CHST11: variants seen among roughly 807,000 people sequenced by gnomAD.
CHST11 encodes carbohydrate sulfotransferase 11, also known as C4S-1.
In CHST11, 9 loss-of-function variants were observed where a neutral mutation model predicts 30.4. The ratio of observed to expected loss-of-function variants is 0.30; its 90% CI spans 0.18 to 0.52. The LOEUF is 0.52. CHST11 is among the 20% of genes least tolerant of loss of function. The probability of loss-of-function intolerance (pLI) is 0.97; values close to 1 mark genes in which losing one functional copy is unlikely to be tolerated. For synonymous variants in CHST11, 152 were observed against 187.8 expected (o/e 0.81, Z 1.56); for missense variants, 348 against 460.6 (o/e 0.76, Z 2.24).
At chr12:104,675,560 A>T (rs772549949) in intron 2 of CHST11, among the ~76,000 whole-genome samples, 3 of 152,132 alleles carry the variant, frequency 2.0e-5, no homozygotes, top group Non-Finnish European at 2.9e-5. Context: ...CGAACTAACA[A>T]CCGCTGTTAT....
chr12:104,489,037 CTT>C (rs559609478), intron 1 of CHST11, among the ~76,000 whole-genome samples: 15 of 149,616 alleles, frequency 1.0e-4, no homozygotes, highest in Non-Finnish European at 1.6e-4. Context: ...TCTTCTTCCT[CTT>C]TTTTTTTTCC....
intron 1 of CHST11, among the ~76,000 whole-genome samples, chr12:104,566,602 T>C (rs1050284943): frequency 6.6e-6 from 1 of 152,216 alleles, no homozygotes; most frequent in Non-Finnish European, 1.5e-5. Flanking sequence ...AGGGATCTTC[T>C]CAACACAGAC....
chr12:104,708,214 A>G (rs150580512), intron 2 of CHST11, among the ~76,000 whole-genome samples: 3 of 152,346 alleles, frequency 2.0e-5, no homozygotes, highest in South Asian at 2.1e-4. Context: ...AGTTAGGCCA[A>G]CTTGGGTTCA....
intron 1 of CHST11, among the ~76,000 whole-genome samples, chr12:104,559,036 T>C (rs1257689438): frequency 6.6e-6 from 1 of 151,696 alleles, no homozygotes; most frequent in Non-Finnish European, 1.5e-5. Flanking sequence ...GGCAGGAGTG[T>C]GTCTTACAAG....
At chr12:104,472,411 A>T (rs994971857) in intron 1 of CHST11, among the ~76,000 whole-genome samples, 1 of 150,216 alleles carries the variant, frequency 6.7e-6, no homozygotes, top group Non-Finnish European at 1.5e-5. Flanking sequence ...ACACACACAC[A>T]CCCCTCTAAA....
At chr12:104,513,126 G>GT (rs1555229102) in intron 1 of CHST11, among the ~76,000 whole-genome samples, 1 of 54,844 alleles carries the variant, frequency 1.8e-5, no homozygotes, top group African/African-American at 7.0e-5. Flanking sequence ...TCATGACTGG[G>GT]GGGGGGGGGG....
chr12:104,672,218 G>T (rs988439721), intron 2 of CHST11, among the ~76,000 whole-genome samples: 1 of 150,170 alleles, frequency 6.7e-6, no homozygotes, highest in African/African-American at 2.5e-5. Flanking sequence ...GCACAGGGGG[G>T]TGGACCGTGT....
intron 2 of CHST11, among the ~76,000 whole-genome samples, chr12:104,701,767 T>C (rs1157137394): frequency 2.0e-5 from 3 of 152,134 alleles, no homozygotes; most frequent in Non-Finnish European, 4.4e-5. Flanking sequence ...AGCCTGGACT[T>C]GGGCTGCCCC....
At chr12:104,568,977 G>A (rs376465096) in intron 1 of CHST11, among the ~76,000 whole-genome samples, 4 of 152,302 alleles carry the variant, frequency 2.6e-5, no homozygotes, top group Non-Finnish European at 1.5e-5. Flanking sequence ...GTACCTAAGA[G>A]TATGCCAGGT....
chr12:104,613,286 GATAGAT>G (rs1258771343), intron 2 of CHST11, among the ~76,000 whole-genome samples: 57 of 151,754 alleles, frequency 3.8e-4, no homozygotes, highest in Non-Finnish European at 6.2e-4. Flanking sequence ...TAGATAGATA[GATAGAT>G]ATAGATATAT....
At chr12:104,630,052 G>A (rs971938006) in intron 2 of CHST11, among the ~76,000 whole-genome samples, 4 of 152,200 alleles carry the variant, frequency 2.6e-5, no homozygotes, top group Non-Finnish European at 5.9e-5. Flanking sequence ...GGTTAGGTTA[G>A]CCGCATCCAG....
Position 104,760,000 on chromosome 12 carries a change from T to C in CHST11, c.*2197T>C, listed in dbSNP as rs930301202. ...GTGATGCAGACTAAGGGTTTTGTGGTCAAATATCCTTAAGAAACAAAGTTA... is the reference window on the plus strand; with the variant it reads ...GTGATGCAGACTAAGGGTTTTGTGGCCAAATATCCTTAAGAAACAAAGTTA... On this transcript the variant is annotated 3_prime_UTR_variant, in exon 3 of 3. Coordinates refer to ENST00000303694, the MANE Select transcript of CHST11 (RefSeq NM_018413.6). The C allele has an allele frequency of 6.6e-6, 1 of 152,204 alleles. No individual in the cohort carries two copies. Among genetic ancestry groups the C allele is most frequent in the Non-Finnish European group, 1.5e-5 (1 of 68,038 alleles). 9.4% of individuals were successfully genotyped at this position (152,204 alleles called of 1,614,324 possible). A position where few individuals can be genotyped will look rare whatever the true frequency, so the allele number is the denominator to read the frequency against.
chr12:104,583,032 A>G (rs313324), intron 1 of CHST11, among the ~76,000 whole-genome samples: 56 of 151,822 alleles, frequency 3.7e-4, no homozygotes, highest in African/African-American at 1.2e-3. Flanking sequence ...TGCCTGCACA[A>G]ATAGACCTGC....
chr12:104,702,802 C>T (rs969961796), intron 2 of CHST11, among the ~76,000 whole-genome samples: 2 of 152,188 alleles, frequency 1.3e-5, no homozygotes, highest in African/African-American at 4.8e-5. Flanking sequence ...ACCAATTCGA[C>T]GTTTCTCCAA....
chr12:104,663,833 T>C (rs2039618894), intron 2 of CHST11, among the ~76,000 whole-genome samples: 1 of 152,180 alleles, frequency 6.6e-6, no homozygotes, highest in African/African-American at 2.4e-5. Flanking sequence ...AGGGTGACTT[T>C]GTTATTCTTG....
chr12:104,745,639 A>G (rs887526123), intron 2 of CHST11, among the ~76,000 whole-genome samples: 1 of 152,158 alleles, frequency 6.6e-6, no homozygotes, highest in Non-Finnish European at 1.5e-5. Flanking sequence ...AGTTCTCATC[A>G]TAGAGATCTT....
chr12:104,659,383 T>TATCTCTAAGAGCTTCCGGGG (rs1175387968), intron 2 of CHST11, among the ~76,000 whole-genome samples: 2 of 152,122 alleles, frequency 1.3e-5, no homozygotes, highest in East Asian at 1.9e-4. Context: ...TACTTCTCCG[T>TATCTCTAAGAGCTTCCGGGG]ATCTCTAAGA....
At chr12:104,525,165 A>G (rs1222756547) in intron 1 of CHST11, among the ~76,000 whole-genome samples, 1 of 148,154 alleles carries the variant, frequency 6.7e-6, no homozygotes, top group African/African-American at 2.5e-5. Flanking sequence ...CAGTATCATG[A>G]TCATAGTTCA....
intron 2 of CHST11, among the ~76,000 whole-genome samples, chr12:104,656,252 C>A (rs2039542756): frequency 6.6e-6 from 1 of 152,198 alleles, no homozygotes; most frequent in East Asian, 1.9e-4. Flanking sequence ...CCTGCTGTAG[C>A]ACTTCTTTTG....
Sources: allele counts gnomAD v4.1 joint callset (sites outside exome capture counted in the v4.1 genomes callset), GRCh38; gene constraint gnomAD v4.1.1; transcripts MANE v1.5; gene names NCBI Gene and HGNC (gene_info 2026-07-23, HGNC 2026-07-21).